The following B3GALT1 variants were observed in gnomAD, a reference collection of about 807,000 sequenced individuals.
B3GALT1 encodes the protein beta-1,3-galactosyltransferase 1, also known as UDP-Gal:betaGlcNAc beta 1,3-galactosyltransferase, polypeptide 1.
A neutral mutation model predicts 23.2 loss-of-function variants in B3GALT1; 10 were observed. That is an observed-to-expected ratio of 0.43 (90% CI 0.27 to 0.73). B3GALT1 has a LOEUF of 0.73. B3GALT1 is among the 30% of genes least tolerant of loss of function. The probability of loss-of-function intolerance (pLI) is 0.21; values close to 1 mark genes in which losing one functional copy is unlikely to be tolerated. For synonymous variants in B3GALT1, 156 were observed against 141.5 expected, an observed-to-expected ratio of 1.10 and a Z score of -0.73; for missense variants, 299 against 405.4, an observed-to-expected ratio of 0.74 and a Z score of 2.25.
At chr2:167,566,667 A>G (rs1340018323) in intron 2 of B3GALT1, among the ~76,000 whole-genome samples, 3 of 152,142 alleles carry the variant, frequency 2.0e-5, no homozygotes, top group African/African-American at 4.8e-5. Context: ...GTTAATACCA[A>G]TGTTGTAACT....
intron 1 of B3GALT1, among the ~76,000 whole-genome samples, chr2:167,339,925 C>T (rs964965684): frequency 2.6e-5 from 4 of 152,080 alleles, no homozygotes; most frequent in African/African-American, 9.7e-5. Context: ...CTGTTAGGAA[C>T]AGGAAACAAG....
At chr2:167,684,369 G>A (rs1686582548) in intron 3 of B3GALT1, among the ~76,000 whole-genome samples, 1 of 152,184 alleles carries the variant, frequency 6.6e-6, no homozygotes, top group South Asian at 2.1e-4. Flanking sequence ...ATTACCCAGT[G>A]TCTGATTTAA....
chr2:167,420,201 A>G (rs1249160245), intron 1 of B3GALT1, among the ~76,000 whole-genome samples: 1 of 152,164 alleles, frequency 6.6e-6, no homozygotes, highest in Non-Finnish European at 1.5e-5. Context: ...CATCAGTATT[A>G]CCTCTGTGTC....
chr2:167,509,568 C>T (rs1054768035), intron 2 of B3GALT1, among the ~76,000 whole-genome samples: 39 of 151,862 alleles, frequency 2.6e-4, no homozygotes, highest in Admixed American at 6.6e-5. Context: ...TTAAGATGGC[C>T]GAAGAAGCCC....
chr2:167,328,898 C>T (rs946453269), intron 1 of B3GALT1, among the ~76,000 whole-genome samples: 11 of 152,032 alleles, frequency 7.2e-5, no homozygotes, highest in African/African-American at 1.7e-4. Context: ...CTGCAAGCTC[C>T]GCCTCCTAGA....
intron 1 of B3GALT1, among the ~76,000 whole-genome samples, chr2:167,380,660 T>C (rs1384011710): frequency 6.6e-6 from 1 of 152,136 alleles, no homozygotes; most frequent in African/African-American, 2.4e-5. Context: ...CTGTAGTGTT[T>C]CCTTGTGTCT....
chr2:167,805,719 T>G (rs1688738474), intron 3 of B3GALT1, among the ~76,000 whole-genome samples: 1 of 152,244 alleles, frequency 6.6e-6, no homozygotes, highest in Non-Finnish European at 1.5e-5. Flanking sequence ...CATGCTGTTT[T>G]GATTACTGTA....
chr2:167,433,535 T>G (rs973640218), intron 1 of B3GALT1, among the ~76,000 whole-genome samples: 29 of 152,296 alleles, frequency 1.9e-4, no homozygotes, highest in African/African-American at 5.8e-4. Context: ...ATTATTAAAA[T>G]GGAGCCCTCT....
chr2:167,466,359 T>A (rs1699344930), intron 1 of B3GALT1, among the ~76,000 whole-genome samples: 1 of 152,048 alleles, frequency 6.6e-6, no homozygotes, highest in African/African-American at 2.4e-5. Context: ...GGCTCACACC[T>A]GTAATCCTAG....
chr2:167,311,442 G>A (rs950786426), intron 1 of B3GALT1, among the ~76,000 whole-genome samples: 13 of 151,934 alleles, frequency 8.6e-5, no homozygotes, highest in Non-Finnish European at 1.8e-4. Flanking sequence ...GATTATATGA[G>A]TGTTCTATGT....
intron 2 of B3GALT1, among the ~76,000 whole-genome samples, chr2:167,546,535 G>C (rs1468865336): frequency 2.0e-5 from 3 of 152,114 alleles, no homozygotes; most frequent in Non-Finnish European, 4.4e-5. Context: ...GACATTGTGG[G>C]TACTTAGATC....
intron 1 of B3GALT1, among the ~76,000 whole-genome samples, chr2:167,461,569 T>C (rs1699258929): frequency 6.6e-6 from 1 of 152,130 alleles, no homozygotes; most frequent in Non-Finnish European, 1.5e-5. Flanking sequence ...TGGCAAATAA[T>C]TATAAAGGTT....
intron 1 of B3GALT1, among the ~76,000 whole-genome samples, chr2:167,358,867 A>G (rs922420066): frequency 2.0e-5 from 3 of 152,154 alleles, no homozygotes; most frequent in South Asian, 2.1e-4. Context: ...CAGTGGCGCA[A>G]TCTTGGCTCA....
chr2:167,518,147 A>C (rs535928997), intron 2 of B3GALT1, among the ~76,000 whole-genome samples: 4 of 152,150 alleles, frequency 2.6e-5, no homozygotes, highest in Non-Finnish European at 4.4e-5. Flanking sequence ...TCGAGGATCC[A>C]AATTATGGCC....
At chr2:167,334,101 C>T (rs545637762) in intron 1 of B3GALT1, among the ~76,000 whole-genome samples, 5 of 151,852 alleles carry the variant, frequency 3.3e-5, no homozygotes, top group Admixed American at 3.3e-4. Context: ...GAACATGATC[C>T]TATATATATA....
intron 2 of B3GALT1, among the ~76,000 whole-genome samples, chr2:167,494,336 CAA>C (rs1217146193): frequency 1.5e-5 from 2 of 130,700 alleles, no homozygotes. Context: ...AGACTCCTCT[CAA>C]AAAAAAAAAG....
At chr2:167,560,540 C>A (rs1293896669) in intron 2 of B3GALT1, among the ~76,000 whole-genome samples, 1 of 152,174 alleles carries the variant, frequency 6.6e-6, no homozygotes, top group Non-Finnish European at 1.5e-5. Context: ...GACCCATCAG[C>A]ATGCTGTATT....
At chr2:167,448,572 A>G (rs1037720622) in intron 1 of B3GALT1, among the ~76,000 whole-genome samples, 3 of 151,746 alleles carry the variant, frequency 2.0e-5, no homozygotes, top group African/African-American at 7.3e-5. Context: ...TTGTCTGTTT[A>G]CTCTGCTGAT....
chr2:167,376,377 A>G (rs1198467171), intron 1 of B3GALT1, among the ~76,000 whole-genome samples: 2 of 151,844 alleles, frequency 1.3e-5, no homozygotes, highest in African/African-American at 2.4e-5. Context: ...GTTAGGGAGG[A>G]GTCCCTTCTC....
Sources: allele counts gnomAD v4.1 joint callset (sites outside exome capture counted in the v4.1 genomes callset), GRCh38; gene constraint gnomAD v4.1.1; transcripts MANE v1.5; gene names NCBI Gene and HGNC (gene_info 2026-07-23, HGNC 2026-07-21).